Variants in INTS4 observed in about 807,000 individuals in gnomAD.
INTS4 encodes the protein integrator complex subunit 4.
In INTS4, 70 loss-of-function variants were observed where a neutral mutation model predicts 119.5. The ratio of observed to expected loss-of-function variants is 0.59; its 90% CI spans 0.48 to 0.71. The LOEUF is 0.71. INTS4 is among the 30% of genes least tolerant of loss of function. INTS4 has a pLI of 0.00. For missense variants in INTS4, 867 were observed against 1,173.2 expected, an observed-to-expected ratio of 0.74 and a Z score of 3.81; for synonymous variants, 316 against 419.6, an observed-to-expected ratio of 0.75 and a Z score of 3.02.
intron 21 of INTS4, among the ~76,000 whole-genome samples, chr11:77,884,614 AG>A (rs1372652650): frequency 1.3e-5 from 2 of 152,254 alleles, no homozygotes; most frequent in African/African-American, 4.8e-5. Flanking sequence ...TTATGAAGGC[AG>A]AGTAGGGAAC....
At chr11:77,931,122 C>T (rs967801578) in intron 10 of INTS4, among the ~76,000 whole-genome samples, 2 of 152,148 alleles carry the variant, frequency 1.3e-5, no homozygotes, top group Non-Finnish European at 2.9e-5. Context: ...AGAAATATAG[C>T]TCAATCAATG....
intron 10 of INTS4, among the ~76,000 whole-genome samples, chr11:77,929,518 T>C (rs910431766): frequency 6.6e-6 from 1 of 152,210 alleles, no homozygotes; most frequent in African/African-American, 2.4e-5. Flanking sequence ...TAGTAAATAA[T>C]GTTATCATTA....
intron 15 of INTS4, among the ~76,000 whole-genome samples, chr11:77,911,794 G>C (rs575798128): frequency 2.2e-3 from 336 of 152,294 alleles, no homozygotes; most frequent in African/African-American, 7.7e-3. Flanking sequence ...GTACTGTGCT[G>C]GCTGTTTCCT....
At chr11:77,970,734 C>A (rs1266901711) in intron 4 of INTS4, among the ~76,000 whole-genome samples, 2 of 152,070 alleles carry the variant, frequency 1.3e-5, no homozygotes, top group African/African-American at 2.4e-5. Context: ...GAGGCTGAGG[C>A]AGGAGGATCA....
intron 15 of INTS4, among the ~76,000 whole-genome samples, chr11:77,912,820 C>T (rs1195266655): frequency 6.6e-6 from 1 of 152,088 alleles, no homozygotes; most frequent in Admixed American, 6.6e-5. Flanking sequence ...CAATACTACA[C>T]AATAGGTGCT....
chr11:77,951,153 T>C (rs1402290880), intron 8 of INTS4, among the ~76,000 whole-genome samples: 1 of 152,206 alleles, frequency 6.6e-6, no homozygotes, highest in Non-Finnish European at 1.5e-5. Flanking sequence ...TTCCAAGTCT[T>C]TGCTATTGTG....
chr11:77,955,870 C>T, intron 8 of INTS4, 72 bp downstream of exon 8: 1 of 1,441,906 alleles, frequency 6.9e-7, no homozygotes, highest in Admixed American at 2.0e-5. Context: ...CTGGGCCACA[C>T]AGTCCTCATT....
At chr11:77,883,151 G>A (rs1463354489) in intron 22 of INTS4, among the ~76,000 whole-genome samples, 1 of 151,852 alleles carries the variant, frequency 6.6e-6, no homozygotes, top group Non-Finnish European at 1.5e-5. Context: ...ATTCCAAAAG[G>A]CATTCCCTAT....
intron 10 of INTS4, among the ~76,000 whole-genome samples, chr11:77,932,345 CAT>C (rs1330837902): frequency 2.0e-5 from 3 of 152,212 alleles, no homozygotes; most frequent in East Asian, 1.9e-4. Context: ...GACCAACAAA[CAT>C]ATTAAAAAAA....
intron 12 of INTS4, among the ~76,000 whole-genome samples, chr11:77,923,126 T>G (rs1953403834): frequency 1.3e-5 from 2 of 152,108 alleles, no homozygotes; most frequent in Non-Finnish European, 2.9e-5. Context: ...AAGACCATCC[T>G]GGCCAACATG....
At chr11:77,940,586 C>T (rs1015446436) in intron 9 of INTS4, among the ~76,000 whole-genome samples, 1 of 152,050 alleles carries the variant, frequency 6.6e-6, no homozygotes, top group Non-Finnish European at 1.5e-5. Flanking sequence ...TAGTTCCTAA[C>T]AAATAGAAAA....
intron 4 of INTS4, among the ~76,000 whole-genome samples, chr11:77,962,336 C>G (rs1954496276): frequency 6.6e-6 from 1 of 152,218 alleles, no homozygotes; most frequent in Non-Finnish European, 1.5e-5. Flanking sequence ...CTAATTTACA[C>G]TTCCACCAGT....
At chr11:77,962,236 T>A (rs938430670) in intron 4 of INTS4, among the ~76,000 whole-genome samples, 8 of 152,122 alleles carry the variant, frequency 5.3e-5, no homozygotes, top group African/African-American at 1.9e-4. Flanking sequence ...TGAGCCATGA[T>A]CATGCCACTG....
Position 77,991,208 on chromosome 11 carries a change from G to T in INTS4, c.146C>A (p.Pro49Gln), listed in dbSNP as rs1459835409. Residue 49 changes from proline (P) to glutamine (Q), a missense_variant, in exon 2 of 23, where the codon CCA (proline) becomes CAA (glutamine). This residue lies in a region of INTS4 where 224 missense variants were observed against 231.8 expected (regional missense o/e 0.97). Transcript: ENST00000534064. ...LHIDLCKATS[P>Q]ADALQYLLQF... is the part of the protein sequence containing the mutation. ...GAGCAAGTATTGCAAAGCATCTGCTGGGGAGGTAGCTTTACACAGATCTAT... is the reference window on the plus strand; with the variant it reads ...GAGCAAGTATTGCAAAGCATCTGCTTGGGAGGTAGCTTTACACAGATCTAT... 6.2e-7 allele frequency: 1 copy of T among 1,614,120 alleles called. No individual in the cohort carries two copies. Among genetic ancestry groups the T allele is most frequent in the South Asian group, 1.1e-5 (1 of 91,078 alleles).
rs1340283107 is a variant in INTS4 at position 77,952,062 on chromosome 11, G to A, written c.918+3880C>T. On this transcript the variant is annotated intron_variant, in intron 8 of 22. Coordinates refer to ENST00000534064, the MANE Select transcript of INTS4 (RefSeq NM_033547.4). ...GAAATAGGAACACTTTTACACTGTTGGTGGGACTGTAAACTAGTTCAACCA... is the reference window on the plus strand; with the variant it reads ...GAAATAGGAACACTTTTACACTGTTAGTGGGACTGTAAACTAGTTCAACCA... Among the ~76,000 whole-genome samples, 6 of 152,250 alleles carry A rather than the reference G, an allele frequency of 3.9e-5. No individual in the cohort carries two copies. In the South Asian group the frequency reaches 1.2e-3, roughly 32 times the overall value.
intron 3 of INTS4, among the ~76,000 whole-genome samples, chr11:77,980,832 T>C (rs774857175): frequency 3.3e-5 from 5 of 151,500 alleles, no homozygotes; most frequent in Non-Finnish European, 7.4e-5. Context: ...CTACTAAAAA[T>C]ACAAAAAAAA....
chr11:77,963,240 AG>A lies in INTS4; in HGVS notation c.472-2103del, dbSNP rs559710237. Among the ~76,000 whole-genome samples the A allele has an allele frequency of 2.0e-5, 3 of 151,240 alleles. No homozygotes were observed. In the South Asian group the frequency reaches 6.3e-4, roughly 32 times the overall value. On this transcript the variant is annotated intron_variant, in intron 4 of 22. Transcript: ENST00000534064. The stretch of plus-strand genomic sequence containing the variant: ...GCCCAAAAGAGAGTCTCATGCTCTC[AG>A]GGAAACAATTACAATTTTATGATGT...
intron 10 of INTS4, among the ~76,000 whole-genome samples, chr11:77,931,042 A>C (rs1953636089): frequency 6.6e-6 from 1 of 152,222 alleles, no homozygotes; most frequent in South Asian, 2.1e-4. Context: ...AAACAAGAAC[A>C]GTTAATTGCA....
intron 8 of INTS4, among the ~76,000 whole-genome samples, chr11:77,954,464 T>C (rs889677910): frequency 1.9e-4 from 29 of 152,140 alleles, no homozygotes; most frequent in African/African-American, 6.0e-4. Flanking sequence ...TAATGGCATC[T>C]ATCCTGCAGG....
Sources: gnomAD v4.1 joint callset for allele counts (sites outside exome capture counted in the v4.1 genomes callset) on GRCh38, gnomAD v4.1.1 for gene constraint, gnomAD v4.1.1 regional missense constraint, MANE v1.5 for transcripts, NCBI Gene and HGNC (gene_info 2026-07-23, HGNC 2026-07-21) for gene names.